The following ITIH5 variants were observed in gnomAD, a reference collection of about 807,000 sequenced individuals.
ITIH5 encodes inter-alpha-trypsin inhibitor heavy chain H5.
Under a neutral mutation model 77.5 loss-of-function variants are expected in ITIH5, and 65 were observed. The observed-to-expected ratio is 0.84, with a 90% CI of 0.69 to 1.03. The LOEUF is 1.03. Among genes scored for constraint, ITIH5 ranks in the 50% least tolerant of loss-of-function variants. The probability of loss-of-function intolerance (pLI) is 0.00; values close to 1 mark genes in which losing one functional copy is unlikely to be tolerated. For synonymous variants in ITIH5, 525 were observed against 494.3 expected (o/e 1.06, Z -0.82); for missense variants, 1,208 against 1,213.1 (o/e 1.00, Z 0.06).
chr10:7,580,556 A>T (rs1296749611), intron 8 of ITIH5, among the ~76,000 whole-genome samples: 3 of 152,250 alleles, frequency 2.0e-5, no homozygotes, highest in African/African-American at 7.2e-5. Flanking sequence ...GGATTATCCC[A>T]CTGTAACAAA....
intron 9 of ITIH5, among the ~76,000 whole-genome samples, chr10:7,577,493 T>C (rs1237831857): frequency 6.6e-6 from 1 of 152,264 alleles, no homozygotes; most frequent in Non-Finnish European, 1.5e-5. Flanking sequence ...AAATTTCCTT[T>C]GTGTACACTT....
intron 10 of ITIH5, 57 bp downstream of exon 10, chr10:7,576,396 G>A (rs1489086573): frequency 2.9e-6 from 4 of 1,376,818 alleles, no homozygotes; most frequent in Non-Finnish European, 3.9e-6. Flanking sequence ...TGTGGAGGAG[G>A]TGAGTGGTAT....
intron 7 of ITIH5, among the ~76,000 whole-genome samples, chr10:7,603,127 C>A (rs1833049222): frequency 6.6e-6 from 1 of 152,172 alleles, no homozygotes. Flanking sequence ...GCACACAAAT[C>A]TGTGCAAGCT....
chr10:7,650,803 C>G (rs899567881), intron 2 of ITIH5, among the ~76,000 whole-genome samples: 4 of 151,918 alleles, frequency 2.6e-5, no homozygotes, highest in Admixed American at 1.3e-4. Context: ...ACTTCCCCAA[C>G]TGCTAGATTT....
chr10:7,661,277 C>T (rs1171019115), intron 1 of ITIH5, among the ~76,000 whole-genome samples: 1 of 152,188 alleles, frequency 6.6e-6, no homozygotes, highest in Non-Finnish European at 1.5e-5. Flanking sequence ...CCAAGGCCAG[C>T]TTCAGCCAAA....
chr10:7,628,794 T>C (rs570449637), intron 5 of ITIH5, among the ~76,000 whole-genome samples: 2 of 140,872 alleles, frequency 1.4e-5, no homozygotes, highest in East Asian at 4.0e-4. Context: ...TGTTATCATA[T>C]GTATCTGTGT....
intron 2 of ITIH5, among the ~76,000 whole-genome samples, chr10:7,654,591 C>T (rs1834150461): frequency 6.6e-6 from 1 of 152,232 alleles, no homozygotes; most frequent in South Asian, 2.1e-4. Flanking sequence ...TCACACAATG[C>T]AAACCAACTG....
At chr10:7,631,426 A>G (rs1159390128) in intron 5 of ITIH5, among the ~76,000 whole-genome samples, 2 of 152,224 alleles carry the variant, frequency 1.3e-5, no homozygotes, top group South Asian at 2.1e-4. Context: ...CAAGTCCAAG[A>G]AGCCAGAGAG....
intron 7 of ITIH5, among the ~76,000 whole-genome samples, chr10:7,599,432 G>A (rs978732687): frequency 7.9e-5 from 12 of 152,144 alleles, no homozygotes; most frequent in Non-Finnish European, 1.2e-4. Context: ...GTTCTGACAC[G>A]CTAACTGATA....
At chr10:7,577,657 G>A (rs11255198) in intron 9 of ITIH5, among the ~76,000 whole-genome samples, 79,791 of 152,120 alleles carry the variant, frequency 0.52, 21,206 homozygotes, top group East Asian at 0.77. Flanking sequence ...TAGTTAAGTT[G>A]CATGGTCGCT....
intron 11 of ITIH5, among the ~76,000 whole-genome samples, chr10:7,570,787 T>G (rs1832281230): frequency 6.6e-6 from 1 of 152,054 alleles, no homozygotes; most frequent in South Asian, 2.1e-4. Context: ...CATGCCAGGC[T>G]AATTTTTTAT....
chr10:7,611,161 G>A (rs1537626), intron 7 of ITIH5, among the ~76,000 whole-genome samples: 33,120 of 152,212 alleles, frequency 0.22, 3,723 homozygotes, highest in Middle Eastern at 0.26. Context: ...TCAGACCTGG[G>A]AGTAAAGGCT....
chr10:7,651,702 C>A (rs887069885), intron 2 of ITIH5, among the ~76,000 whole-genome samples: 5 of 152,162 alleles, frequency 3.3e-5, no homozygotes, highest in African/African-American at 4.8e-5. Context: ...GACCAGGTAC[C>A]TGACAACTAG....
chr10:7,580,179 G>C, intron 8 of ITIH5, 115 bp from the exon 9 acceptor site: 1 of 862,206 alleles, frequency 1.2e-6, no homozygotes, highest in Non-Finnish European at 1.8e-6. Context: ...GGAGTGCAAT[G>C]GCGCAATCTG....
Position 7,584,557 on chromosome 10 carries a change from G to A in ITIH5, c.1108+1344C>T, listed in dbSNP as rs908936568. 1.2e-4 allele frequency among the ~76,000 whole-genome samples: 18 copies of A among 151,816 alleles called. No individual in the cohort carries two copies. The East Asian group carries it at 1.9e-3, about 16-fold the overall frequency. Reference sequence around the variant, plus strand: ...TGACCTCAGGTGATCCACCTGCCTCGGCCTCCCAAAGTGCTGGGATTACAA... The same window carrying A: ...TGACCTCAGGTGATCCACCTGCCTCAGCCTCCCAAAGTGCTGGGATTACAA... On this transcript the variant is annotated intron_variant, in intron 8 of 13. Transcript: ENST00000397146.
intron 2 of ITIH5, among the ~76,000 whole-genome samples, chr10:7,642,973 G>A (rs1238146582): frequency 6.6e-6 from 1 of 152,238 alleles, no homozygotes; most frequent in Non-Finnish European, 1.5e-5. Flanking sequence ...ACTATGGGAG[G>A]TGGTGGGGTT....
At chr10:7,604,345 C>G (rs1357453282) in intron 7 of ITIH5, among the ~76,000 whole-genome samples, 2 of 152,154 alleles carry the variant, frequency 1.3e-5, no homozygotes, top group African/African-American at 4.8e-5. Context: ...TCAGGTTCAA[C>G]CCCCCACCTC....
At chr10:7,564,040 G>A (rs1832091812) in intron 13 of ITIH5, among the ~76,000 whole-genome samples, 1 of 152,256 alleles carries the variant, frequency 6.6e-6, no homozygotes, top group Non-Finnish European at 1.5e-5. Flanking sequence ...AGAAAGCTGG[G>A]TAGAATGGCC....
At chr10:7,663,933 A>C (rs2131120690) in intron 1 of ITIH5, among the ~76,000 whole-genome samples, 1 of 152,356 alleles carries the variant, frequency 6.6e-6, no homozygotes, top group Admixed American at 6.5e-5. Context: ...GGTGGCTTTT[A>C]CTATTTTGTC....
Sources: allele counts gnomAD v4.1 joint callset (sites outside exome capture counted in the v4.1 genomes callset), GRCh38; gene constraint gnomAD v4.1.1; transcripts MANE v1.5; gene names NCBI Gene and HGNC (gene_info 2026-07-23, HGNC 2026-07-21).